TYW1: variants seen among roughly 807,000 people sequenced by gnomAD.
TYW1 encodes the protein S-adenosyl-L-methionine-dependent tRNA 4-demethylwyosine synthase TYW1.
In TYW1, 46 loss-of-function variants were observed where a neutral mutation model predicts 96.2. The observed-to-expected ratio is 0.48, with a 90% CI of 0.38 to 0.61. The LOEUF is 0.61. Ranked by LOEUF, TYW1 falls within the 20% of genes least tolerant of loss-of-function variation. The probability of loss-of-function intolerance (pLI) is 0.00; values close to 1 mark genes in which losing one functional copy is unlikely to be tolerated. For synonymous variants in TYW1, 274 were observed against 323.0 expected (o/e 0.85, Z 1.63); for missense variants, 684 against 909.6 (o/e 0.75, Z 3.19).
At chr7:67,216,826 A>C (rs1405469684) in intron 15 of TYW1, among the ~76,000 whole-genome samples, 2 of 151,552 alleles carry the variant, frequency 1.3e-5, no homozygotes, top group Non-Finnish European at 2.9e-5. Context: ...ATGATTTCTT[A>C]TTCAATCTAT....
chr7:67,208,364 A>G (rs1800879674), intron 15 of TYW1, among the ~76,000 whole-genome samples: 1 of 151,732 alleles, frequency 6.6e-6, no homozygotes, highest in South Asian at 2.1e-4. Flanking sequence ...TCATGATACC[A>G]CATAATCCAA....
chr7:67,124,253 A>G (rs894089628), intron 13 of TYW1, among the ~76,000 whole-genome samples: 1 of 152,162 alleles, frequency 6.6e-6, no homozygotes, highest in African/African-American at 2.4e-5. Flanking sequence ...GCAACTATAT[A>G]TATGTTATTA....
chr7:67,227,576 G>A (rs1316989873), intron 15 of TYW1, among the ~76,000 whole-genome samples: 1 of 151,900 alleles, frequency 6.6e-6, no homozygotes, highest in Non-Finnish European at 1.5e-5. Flanking sequence ...GATATTCTCT[G>A]CCAACCAAAT....
intron 14 of TYW1, among the ~76,000 whole-genome samples, chr7:67,190,627 AG>A (rs1800177147): frequency 6.6e-6 from 1 of 152,242 alleles, no homozygotes; most frequent in South Asian, 2.1e-4. Context: ...GGCCAAAGAC[AG>A]GGGCTTGAAT....
chr7:67,021,840 T>TAA (rs1374536407), intron 6 of TYW1, among the ~76,000 whole-genome samples: 8 of 152,358 alleles, frequency 5.3e-5, no homozygotes, highest in Non-Finnish European at 5.9e-5. Flanking sequence ...CATTAGAAAC[T>TAA]TGAGTCTAAG....
chr7:67,196,261 T>C (rs1169644415), intron 15 of TYW1, among the ~76,000 whole-genome samples: 4 of 152,148 alleles, frequency 2.6e-5, no homozygotes, highest in African/African-American at 9.7e-5. Flanking sequence ...ATTTCAAAAA[T>C]GCTATTTTGT....
intron 13 of TYW1, among the ~76,000 whole-genome samples, chr7:67,155,612 G>A (rs1236962263): frequency 4.6e-5 from 7 of 151,890 alleles, no homozygotes; most frequent in Admixed American, 6.6e-5. Context: ...GAGTGCAGTG[G>A]CGCGATCTCA....
chr7:67,222,657 G>A (rs963379486), intron 15 of TYW1, among the ~76,000 whole-genome samples: 3 of 151,916 alleles, frequency 2.0e-5, no homozygotes, highest in African/African-American at 7.3e-5. Context: ...CTTGGTGTGT[G>A]TCTTTTTTAG....
At chr7:67,143,626 G>T (rs575173539) in intron 13 of TYW1, among the ~76,000 whole-genome samples, 1 of 152,252 alleles carries the variant, frequency 6.6e-6, no homozygotes, top group East Asian at 1.9e-4. Flanking sequence ...GAGTCCAAGA[G>T]CATGGGGTCA....
At chr7:67,033,510 G>C (rs1400178704) in intron 7 of TYW1, among the ~76,000 whole-genome samples, 1 of 152,162 alleles carries the variant, frequency 6.6e-6, no homozygotes, top group African/African-American at 2.4e-5. Flanking sequence ...ACTTCTTTGA[G>C]AGGCTGGATT....
intron 15 of TYW1, among the ~76,000 whole-genome samples, chr7:67,211,997 T>G (rs1801047124): frequency 6.6e-6 from 1 of 152,206 alleles, no homozygotes; most frequent in African/African-American, 2.4e-5. Flanking sequence ...TACATTAAGA[T>G]TCAGCATTTC....
At chr7:67,117,417 T>A (rs1383972154) in intron 12 of TYW1, 66 bp from the exon 13 acceptor site, 1 of 1,548,384 alleles carries the variant, frequency 6.5e-7, no homozygotes, top group Admixed American at 2.0e-5. Context: ...ATTGCAGGTT[T>A]TATATCATGG....
intron 7 of TYW1, among the ~76,000 whole-genome samples, chr7:67,042,112 T>A (rs1795048528): frequency 6.8e-6 from 1 of 147,722 alleles, no homozygotes; most frequent in African/African-American, 2.5e-5. Flanking sequence ...AGAATTAGAA[T>A]ATAATTTTAA....
intron 13 of TYW1, among the ~76,000 whole-genome samples, chr7:67,150,650 G>A (rs1465547536): frequency 6.6e-6 from 1 of 152,158 alleles, no homozygotes; most frequent in Non-Finnish European, 1.5e-5. Flanking sequence ...TTAGTAATGA[G>A]TACTATTCAA....
At chr7:67,014,226 C>T in intron 4 of TYW1, 141 bp from the exon 5 acceptor site, 2 of 1,189,434 alleles carry the variant, frequency 1.7e-6, no homozygotes, top group Non-Finnish European at 2.3e-6. Flanking sequence ...CTTAGTCATG[C>T]CCTTCACTTT....
intron 11 of TYW1, among the ~76,000 whole-genome samples, chr7:67,093,840 G>A (rs562046828): frequency 6.6e-5 from 10 of 152,092 alleles, no homozygotes; most frequent in African/African-American, 2.2e-4. Flanking sequence ...GGATTTACTT[G>A]CACTTTGTGT....
At chr7:67,079,994 A>G (rs1796331203) in intron 10 of TYW1, among the ~76,000 whole-genome samples, 2 of 152,336 alleles carry the variant, frequency 1.3e-5, no homozygotes, top group South Asian at 2.1e-4. Context: ...TGAGACTAAA[A>G]TATGGTCTGC....
chr7:67,001,428 T>C (rs1047951700), intron 3 of TYW1, among the ~76,000 whole-genome samples: 120 of 149,328 alleles, frequency 8.0e-4, no homozygotes, highest in Non-Finnish European at 1.5e-3. Flanking sequence ...ATTTTTTATT[T>C]ATTTATTTTT....
intron 5 of TYW1, among the ~76,000 whole-genome samples, chr7:67,015,808 A>G (rs1297406594): frequency 6.6e-6 from 1 of 151,982 alleles, no homozygotes; most frequent in Non-Finnish European, 1.5e-5. Context: ...TAAAAATACA[A>G]AAAAATTAGC....
Sources: gnomAD v4.1 joint callset for allele counts (sites outside exome capture counted in the v4.1 genomes callset) on GRCh38, gnomAD v4.1.1 for gene constraint, MANE v1.5 for transcripts, NCBI Gene and HGNC (gene_info 2026-07-23, HGNC 2026-07-21) for gene names.